NDC1: variants seen among roughly 807,000 people sequenced by gnomAD.
NDC1 encodes the protein NDC1 transmembrane nucleoporin, also known as nucleoporin NDC1.
In NDC1, 24 loss-of-function variants were observed where a neutral mutation model predicts 89.8. The observed-to-expected ratio is 0.27, with a 90% CI of 0.19 to 0.38. The LOEUF is 0.38. NDC1 is among the 10% of genes least tolerant of loss of function. The probability of loss-of-function intolerance (pLI) is 1.00; values close to 1 mark genes in which losing one functional copy is unlikely to be tolerated. For synonymous variants in NDC1, 296 were observed against 284.8 expected (o/e 1.04, Z -0.39); for missense variants, 728 against 797.6 (o/e 0.91, Z 1.05).
chr1:53,828,818 G>A (rs531648049), intron 3 of NDC1, among the ~76,000 whole-genome samples: 46 of 151,622 alleles, frequency 3.0e-4, no homozygotes, highest in African/African-American at 1.0e-3. Flanking sequence ...CACCATGTTG[G>A]TCAGGCTGGT....
At chr1:53,811,087 T>C (rs1192880388) in intron 6 of NDC1, among the ~76,000 whole-genome samples, 1 of 152,060 alleles carries the variant, frequency 6.6e-6, no homozygotes, top group East Asian at 1.9e-4. Context: ...TCAAGCGAAA[T>C]ACAGGGGTAG....
At chr1:53,778,133 TCCCACTTTAC>T (rs1255996172) in intron 16 of NDC1, among the ~76,000 whole-genome samples, 1 of 152,070 alleles carries the variant, frequency 6.6e-6, no homozygotes, top group Non-Finnish European at 1.5e-5. Flanking sequence ...ATAGTCTTCA[TCCCACTTTAC>T]CCCACTTAAT....
intron 6 of NDC1, among the ~76,000 whole-genome samples, chr1:53,813,596 T>C (rs574129377): frequency 1.5e-4 from 23 of 152,108 alleles, no homozygotes; most frequent in African/African-American, 4.6e-4. Flanking sequence ...CCTAAACATA[T>C]ATGCATCTAA....
At chr1:53,807,055 G>A (rs911534033) in intron 8 of NDC1, among the ~76,000 whole-genome samples, 3 of 151,792 alleles carry the variant, frequency 2.0e-5, no homozygotes, top group African/African-American at 7.3e-5. Context: ...CACCAACCTG[G>A]CCAACATGGT....
intron 2 of NDC1, 30 bp from the exon 3 acceptor site, chr1:53,832,621 G>A (rs760361624): frequency 8.5e-7 from 1 of 1,172,468 alleles, no homozygotes; most frequent in Non-Finnish European, 1.3e-6. Flanking sequence ...AATTAGTAAA[G>A]GTTATTCAGT....
rs185839984 is a variant in NDC1, at chr1:53,780,234, G to A, written c.1800+6924C>T. ...ATTACAAGCGTCCGCCACCACCCCC[G>A]GCTAATTTTTTGTATTTTTAGTAGA... On this transcript the variant is annotated intron_variant, in intron 16 of 17. Transcript: ENST00000371429. 5.9e-4 allele frequency among the ~76,000 whole-genome samples: 89 copies of A among 151,990 alleles called. 1 individual carries two copies. Among genetic ancestry groups the A allele is most frequent in the African/African-American group, 1.8e-3 (75 of 41,464 alleles).
intron 12 of NDC1, 31 bp downstream of exon 12, chr1:53,796,868 T>C: frequency 1.9e-6 from 3 of 1,608,204 alleles, no homozygotes; most frequent in South Asian, 1.1e-5. Flanking sequence ...CAACATGACA[T>C]TTAAAATCTT....
intron 16 of NDC1, among the ~76,000 whole-genome samples, chr1:53,784,872 C>T (rs1297863156): frequency 6.6e-6 from 1 of 151,460 alleles, no homozygotes; most frequent in Non-Finnish European, 1.5e-5. Context: ...GCAGGAGAAT[C>T]ACTTGACACC....
chr1:53,779,783 TA>T (rs1457577704), intron 16 of NDC1, among the ~76,000 whole-genome samples: 1 of 152,198 alleles, frequency 6.6e-6, no homozygotes, highest in Non-Finnish European at 1.5e-5. Context: ...AAAACATTTT[TA>T]AAGCATTTCT....
chr1:53,792,195 G>A (rs979412462), intron 14 of NDC1, among the ~76,000 whole-genome samples: 2 of 152,086 alleles, frequency 1.3e-5, no homozygotes, highest in African/African-American at 2.4e-5. Context: ...GCCCGCCTTG[G>A]CCTCCAAAAG....
At chr1:53,787,107 G>A (rs1458461744) in intron 16 of NDC1, 51 bp downstream of exon 16, 9 of 883,888 alleles carry the variant, frequency 1.0e-5, no homozygotes, top group Non-Finnish European at 1.6e-5. Flanking sequence ...CAAAGCACTG[G>A]GTGGGAGGGG....
At chr1:53,810,495 A>G (rs1218473033) in intron 6 of NDC1, among the ~76,000 whole-genome samples, 2 of 152,210 alleles carry the variant, frequency 1.3e-5, no homozygotes, top group East Asian at 3.8e-4. Flanking sequence ...TTTGAATTGA[A>G]CATAAATGAA....
rs368216924 is a variant in NDC1 at position 53,792,185 on chromosome 1, G to A, written c.1635+1044C>T. 5.2e-3 allele frequency among the ~76,000 whole-genome samples: 793 copies of A among 152,070 alleles called. 12 individuals are homozygous for A. Among genetic ancestry groups the A allele is most frequent in the African/African-American group, 0.015 (617 of 41,502 alleles). ...TCTTGATCTCCTGACCTCGTGATCC[G>A]CCCGCCTTGGCCTCCAAAAGTGCTG... is the stretch of plus-strand genomic sequence containing the variant. On this transcript the variant is annotated intron_variant, in intron 14 of 17. Transcript: ENST00000371429.
chr1:53,823,148 G>A (rs1391720990), intron 5 of NDC1, among the ~76,000 whole-genome samples: 1 of 152,046 alleles, frequency 6.6e-6, no homozygotes, highest in Admixed American at 6.5e-5. Context: ...ATTTCCACTA[G>A]TCTTGCCAAA....
intron 1 of NDC1, 58 bp downstream of exon 1, chr1:53,838,147 G>T: frequency 6.7e-7 from 1 of 1,497,266 alleles, no homozygotes; most frequent in Non-Finnish European, 9.0e-7. Context: ...CGCGCGATCA[G>T]AGCTTGCCCG....
intron 17 of NDC1, among the ~76,000 whole-genome samples, chr1:53,771,536 G>A (rs565760556): frequency 9.2e-5 from 14 of 152,034 alleles, no homozygotes; most frequent in Non-Finnish European, 1.8e-4. Context: ...TACTTCTGTT[G>A]TCCAATACAG....
chr1:53,805,817 G>C (rs1434182675), intron 9 of NDC1, among the ~76,000 whole-genome samples: 1 of 152,200 alleles, frequency 6.6e-6, no homozygotes, highest in African/African-American at 2.4e-5. Context: ...GCTCACGCCT[G>C]TAATCCCAGC....
At chr1:53,788,208 T>C (rs1387301051) in intron 15 of NDC1, among the ~76,000 whole-genome samples, 1 of 152,002 alleles carries the variant, frequency 6.6e-6, no homozygotes, top group Non-Finnish European at 1.5e-5. Flanking sequence ...GGAGGAGGAT[T>C]GCATGAGCCC....
In NDC1 at chr1:53,817,582, A is replaced by C. The variant is rs373411011; in HGVS notation, c.703+1389T>G. ...CACCTAAATCTCACAAATTACCACT[A>C]AAGAATTTACTCCTGTAACCAAATA... On this transcript the variant is annotated intron_variant, in intron 6 of 17. Coordinates refer to ENST00000371429, the MANE Select transcript of NDC1 (RefSeq NM_018087.5). 1.1e-4 allele frequency among the ~76,000 whole-genome samples: 16 copies of C among 152,290 alleles called. No individual in the cohort carries two copies. The East Asian group carries it at 1.4e-3, about 13-fold the overall frequency.
Sources: allele counts gnomAD v4.1 joint callset (sites outside exome capture counted in the v4.1 genomes callset), GRCh38; gene constraint gnomAD v4.1.1; transcripts MANE v1.5; gene names NCBI Gene and HGNC (gene_info 2026-07-23, HGNC 2026-07-21).